Variants in ZNRF2 observed in about 807,000 individuals in gnomAD.
ZNRF2 encodes E3 ubiquitin-protein ligase ZNRF2.
Under a neutral mutation model 20.4 loss-of-function variants are expected in ZNRF2, and 16 were observed. The ratio of observed to expected loss-of-function variants is 0.79; its 90% CI spans 0.53 to 1.19. ZNRF2 has a LOEUF of 1.19. Ranked by LOEUF, ZNRF2 falls within the 50% of genes most tolerant of loss-of-function variation. The probability of loss-of-function intolerance (pLI) is 0.00; values close to 1 mark genes in which losing one functional copy is unlikely to be tolerated. For missense variants in ZNRF2, 363 were observed against 332.4 expected, an observed-to-expected ratio of 1.09 and a Z score of -0.72; for synonymous variants, 178 against 144.9, an observed-to-expected ratio of 1.23 and a Z score of -1.64.
chr7:30,289,832 G>C (rs1321381295), intron 1 of ZNRF2: 1 of 534,462 alleles, frequency 1.9e-6, no homozygotes, highest in South Asian at 1.4e-5. Flanking sequence ...GAGGGAGTAA[G>C]AGCCCTGTTG....
At chr7:30,323,166 GTTCTGC>G (rs1799501597) in intron 1 of ZNRF2, among the ~76,000 whole-genome samples, 1 of 152,112 alleles carries the variant, frequency 6.6e-6, no homozygotes, top group Admixed American at 6.6e-5. Context: ...AAGGCTTCAC[GTTCTGC>G]ATCAGATAAA....
At chr7:30,311,481 TAAG>T (rs1432533296) in intron 1 of ZNRF2, among the ~76,000 whole-genome samples, 1 of 152,198 alleles carries the variant, frequency 6.6e-6, no homozygotes, top group Non-Finnish European at 1.5e-5. Flanking sequence ...GCAGTATCTT[TAAG>T]AAGGTAACTA....
At chr7:30,354,338 A>G (rs1022856225) in intron 2 of ZNRF2, among the ~76,000 whole-genome samples, 1 of 152,146 alleles carries the variant, frequency 6.6e-6, no homozygotes, top group Non-Finnish European at 1.5e-5. Flanking sequence ...CATTCAGCTG[A>G]TATAAACCCT....
At chr7:30,308,970 A>G (rs866889680) in intron 1 of ZNRF2, among the ~76,000 whole-genome samples, 2 of 152,134 alleles carry the variant, frequency 1.3e-5, no homozygotes, top group South Asian at 4.1e-4. Context: ...TATATTTTGC[A>G]GTATTGGCTT....
intron 1 of ZNRF2, among the ~76,000 whole-genome samples, chr7:30,286,866 T>G (rs1484564711): frequency 6.6e-6 from 1 of 152,198 alleles, no homozygotes; most frequent in Non-Finnish European, 1.5e-5. Flanking sequence ...TCCCCTACAT[T>G]TTTGTGCCGC....
intron 1 of ZNRF2, among the ~76,000 whole-genome samples, chr7:30,297,977 G>C (rs1324114751): frequency 3.3e-5 from 5 of 152,002 alleles, no homozygotes; most frequent in African/African-American, 1.2e-4. Flanking sequence ...TGATCCTCCT[G>C]CCTCAGCCTC....
At chr7:30,298,437 G>A (rs1253285797) in intron 1 of ZNRF2, among the ~76,000 whole-genome samples, 1 of 152,196 alleles carries the variant, frequency 6.6e-6, no homozygotes, top group East Asian at 1.9e-4. Flanking sequence ...CTCTGTGCAT[G>A]TAGTGTCCTC....
intron 2 of ZNRF2, among the ~76,000 whole-genome samples, chr7:30,337,921 C>G (rs541094912): frequency 7.3e-4 from 111 of 152,182 alleles, no homozygotes; most frequent in Non-Finnish European, 1.1e-3. Flanking sequence ...TTCTTGTGAT[C>G]TTCCAGAGAT....
At chr7:30,314,206 T>G (rs142454129) in intron 1 of ZNRF2, among the ~76,000 whole-genome samples, 1 of 152,324 alleles carries the variant, frequency 6.6e-6, no homozygotes, top group African/African-American at 2.4e-5. Context: ...ATTATTTGGT[T>G]GTTTTCCCAG....
intron 1 of ZNRF2, among the ~76,000 whole-genome samples, chr7:30,293,506 C>A (rs1299266471): frequency 2.6e-5 from 4 of 152,168 alleles, no homozygotes; most frequent in African/African-American, 9.7e-5. Flanking sequence ...ACCTCAGCCT[C>A]CCAAAGTGCT....
intron 1 of ZNRF2, among the ~76,000 whole-genome samples, chr7:30,295,177 C>T (rs566002033): frequency 1.3e-5 from 2 of 148,940 alleles, no homozygotes; most frequent in Non-Finnish European, 3.0e-5. Flanking sequence ...TCTGTACTTC[C>T]AACTACATGC....
At chr7:30,319,004 C>G (rs956834480) in intron 1 of ZNRF2, among the ~76,000 whole-genome samples, 1 of 151,474 alleles carries the variant, frequency 6.6e-6, no homozygotes, top group Admixed American at 6.6e-5. Context: ...CCCAGCTACT[C>G]GGGAGGCTGA....
intron 1 of ZNRF2, among the ~76,000 whole-genome samples, chr7:30,291,368 A>C (rs1348834213): frequency 1.3e-5 from 2 of 152,248 alleles, no homozygotes; most frequent in Non-Finnish European, 2.9e-5. Flanking sequence ...ATGGATGGCA[A>C]CCTTCTCTAG....
intron 1 of ZNRF2, among the ~76,000 whole-genome samples, chr7:30,298,710 G>A (rs1263966540): frequency 6.6e-6 from 1 of 152,202 alleles, no homozygotes; most frequent in Non-Finnish European, 1.5e-5. Context: ...TAACAAGCTT[G>A]TAGTAGAGTG....
chr7:30,330,070 A>G (rs1799614410), intron 2 of ZNRF2, among the ~76,000 whole-genome samples: 1 of 152,106 alleles, frequency 6.6e-6, no homozygotes, highest in African/African-American at 2.4e-5. Flanking sequence ...TTGGTCTTTA[A>G]ACTATACCTG....
chr7:30,295,300 C>T (rs1448364920), intron 1 of ZNRF2, among the ~76,000 whole-genome samples: 2 of 152,070 alleles, frequency 1.3e-5, no homozygotes, highest in African/African-American at 2.4e-5. Flanking sequence ...AGATGGGATG[C>T]ACTTTATGTC....
chr7:30,295,895 C>T (rs1222842621), intron 1 of ZNRF2, among the ~76,000 whole-genome samples: 1 of 152,168 alleles, frequency 6.6e-6, no homozygotes, highest in East Asian at 1.9e-4. Flanking sequence ...ACTCTGATAC[C>T]GTATTCCTTT....
At chr7:30,317,261 C>T (rs914249035) in intron 1 of ZNRF2, among the ~76,000 whole-genome samples, 3 of 152,072 alleles carry the variant, frequency 2.0e-5, no homozygotes, top group Admixed American at 1.3e-4. Context: ...AGATGTAACA[C>T]GCAGAATAAT....
intron 1 of ZNRF2, among the ~76,000 whole-genome samples, chr7:30,298,597 A>C (rs1053384329): frequency 1.3e-5 from 2 of 152,244 alleles, no homozygotes; most frequent in African/African-American, 4.8e-5. Flanking sequence ...CTTAATACTC[A>C]AAATGATACT....
Sources: gnomAD v4.1 joint callset for allele counts (sites outside exome capture counted in the v4.1 genomes callset) on GRCh38, gnomAD v4.1.1 for gene constraint, MANE v1.5 for transcripts, NCBI Gene and HGNC (gene_info 2026-07-23, HGNC 2026-07-21) for gene names.